Variants in KLRC1 observed in about 807,000 individuals in gnomAD.
The protein encoded by KLRC1 is NKG2-A/NKG2-B type II integral membrane protein.
A neutral mutation model predicts 25.9 loss-of-function variants in KLRC1; 22 were observed. That is an observed-to-expected ratio of 0.85 (90% CI 0.61 to 1.21). KLRC1 has a LOEUF of 1.21. Among genes scored for constraint, KLRC1 ranks in the 50% most tolerant of loss-of-function variants. KLRC1 has a pLI of 0.00. For missense variants in KLRC1, 240 were observed against 272.2 expected (o/e 0.88, Z 0.83); for synonymous variants, 77 against 93.1 (o/e 0.83, Z 0.99).
intron 5 of KLRC1, 133 bp from the exon 6 acceptor site, chr12:10,447,765 AC>A: frequency 1.4e-6 from 1 of 719,202 alleles, no homozygotes; most frequent in Non-Finnish European, 2.3e-6. Context: ...ATATAAATGA[AC>A]CCGTCAATGT....
intron 6 of KLRC1, chr12:10,447,317 T>G (rs1864008731): frequency 1.8e-5 from 1 of 54,846 alleles, no homozygotes; most frequent in Non-Finnish European, 3.1e-5. Flanking sequence ...AGCCAAAGAT[T>G]GGACACCTGA....
At position 10,450,558 on chromosome 12, in the gene KLRC1, T is replaced by A. The variant is rs772339624; in HGVS notation, c.209A>T (p.Lys70Met). Residue 70 changes from lysine to methionine, a missense_variant, in exon 3 of 7, where the codon AAG becomes ATG. Coordinates refer to ENST00000359151, the MANE Select transcript of KLRC1 (RefSeq NM_002259.5). Reference sequence around the variant, plus strand: ...AATTCCCAGGATCCCAACAATGAGCTTCTCTGGAGCTGATGGTAAATCTGC... The same window carrying A: ...AATTCCCAGGATCCCAACAATGAGCATCTCTGGAGCTGATGGTAAATCTGC... Reference protein sequence around the residue: ...HCKDLPSAPEKLIVGILGIIC... With the variant: ...HCKDLPSAPEMLIVGILGIIC... The A allele has an allele frequency of 6.9e-6, 11 of 1,586,122 alleles. No individual in the cohort carries two copies. Among genetic ancestry groups the A allele is most frequent in the Non-Finnish European group, 9.5e-6 (11 of 1,154,498 alleles).
chr12:10,446,445 A>G lies in KLRC1; in HGVS notation c.*106T>C. 7.0e-7 allele frequency: 1 copy of G among 1,431,964 alleles called. No individual in the cohort carries two copies. The highest frequency in any genetic ancestry group is 1.5e-5 in the South Asian group (1 of 65,424). The allele number at this position is 1,431,964 out of a possible 1,614,324, so 88.7% of individuals were successfully genotyped here. A position where few individuals can be genotyped will look rare whatever the true frequency, so the allele number is the denominator to read the frequency against. On this transcript the variant is annotated 3_prime_UTR_variant, in exon 7 of 7. Coordinates refer to ENST00000359151, the MANE Select transcript of KLRC1 (RefSeq NM_002259.5). ...ATAATTGATTTAGAATTTTCTTATT[A>G]GAGCAAATAACATAATTCATTTTAA...
chr12:10,450,843 T>C, intron 2 of KLRC1, 127 bp downstream of exon 2: 1 of 752,948 alleles, frequency 1.3e-6, no homozygotes, highest in Non-Finnish European at 2.2e-6. Flanking sequence ...AAATAGCATA[T>C]CTCAACTTGG....
chr12:10,454,163 T>TC (rs775788958), upstream of KLRC1, among the ~76,000 whole-genome samples: 36 of 152,254 alleles, frequency 2.4e-4, no homozygotes, highest in Admixed American at 1.9e-3. Context: ...GAATAGGTGG[T>TC]CCCCCACACA....
chr12:10,447,245 G>A (rs1591612898), intron 6 of KLRC1: 2 of 256,030 alleles, frequency 7.8e-6, no homozygotes, highest in Admixed American at 4.8e-5. Context: ...GTCAGCTATC[G>A]TTAGTGTTAG....
In KLRC1 at chr12:10,451,103, C is replaced by G. The variant is rs867098498; in HGVS notation, c.54G>C (p.Lys18Asn). The G allele has an allele frequency of 1.2e-6, 2 of 1,613,986 alleles. No homozygotes were observed. The highest frequency in any genetic ancestry group is 3.3e-4 in the Middle Eastern group (2 of 6,062). Residue 18 changes from lysine (K) to asparagine (N), a missense_variant, in exon 2 of 7, where the codon AAG becomes AAC. Physicochemically the swap from Lys to Asn is moderately conservative, Grantham distance 94. Transcript: ENST00000359151. ...TGCCTTTAGGTTTTCGTTGCTGCCT[C>G]TTTGGGTTTGGGGGCAGATTCAGGT... ...YSDLNLPPNP[K>N]RQQRKPKGNK...
chr12:10,447,498 ATATT>A (rs1199228236), intron 6 of KLRC1, 30 bp downstream of exon 6: 1 of 1,436,658 alleles, frequency 7.0e-7, no homozygotes, highest in Non-Finnish European at 9.7e-7. Flanking sequence ...CTTTATATAT[ATATT>A]GTTATATAGC....
At chr12:10,450,907 C>T in intron 2 of KLRC1, 63 bp downstream of exon 2, 1 of 1,246,226 alleles carries the variant, frequency 8.0e-7, no homozygotes, top group Non-Finnish European at 1.1e-6. Flanking sequence ...TCTTTCCCCA[C>T]ATTCCTGTAC....
At chr12:10,454,560 T>C, upstream of KLRC1, 2 of 975,740 alleles carry the variant, frequency 2.0e-6, no homozygotes, top group Non-Finnish European at 2.4e-6. Flanking sequence ...TTGAGATCAG[T>C]CCTTCACCCA....
downstream of KLRC1, among the ~76,000 whole-genome samples, chr12:10,444,716 A>G (rs1747693802): frequency 6.6e-6 from 1 of 152,152 alleles, no homozygotes; most frequent in Non-Finnish European, 1.5e-5. Context: ...TGGCATAACT[A>G]GTGAATTATA....
At chr12:10,449,123 A>C (rs1864065390) in intron 5 of KLRC1, 114 bp downstream of exon 5, 1 of 1,332,118 alleles carries the variant, frequency 7.5e-7, no homozygotes, top group East Asian at 2.3e-5. Context: ...ATACTACATA[A>C]ACTTGAAAAC....
intron 6 of KLRC1, 149 bp from the exon 7 acceptor site, chr12:10,446,811 C>A: frequency 9.5e-7 from 1 of 1,057,040 alleles, no homozygotes; most frequent in Non-Finnish European, 1.4e-6. Context: ...ATTCTGAACA[C>A]TCAACAGAGT....
At chr12:10,447,451 C>T in intron 6 of KLRC1, 81 bp downstream of exon 6, 1 of 1,172,800 alleles carries the variant, frequency 8.5e-7, no homozygotes, top group Non-Finnish European at 1.2e-6. Flanking sequence ...TCTATGATTC[C>T]ACATAGATTT....
Position 10,452,001 on chromosome 12 carries a change from T to C in KLRC1, c.-31-814A>G. Among the ~76,000 whole-genome samples the C allele has an allele frequency of 1.3e-5, 2 of 151,790 alleles. 1 individual carries two copies. On this transcript the variant is annotated intron_variant, in intron 1 of 6. Coordinates refer to ENST00000359151, the MANE Select transcript of KLRC1 (RefSeq NM_002259.5). ...AGGTAATTAAATGGTCTTTTCTTAA[T>C]GGCTGAAATGTTCTAAGAAATTATT...
downstream of KLRC1, among the ~76,000 whole-genome samples, chr12:10,444,114 T>G (rs551459477): frequency 1.0e-4 from 14 of 137,890 alleles, 1 homozygote; most frequent in South Asian, 3.0e-3. Flanking sequence ...ATCTCTCTTG[T>G]AAAAACTGAT....
Position 10,451,164 on chromosome 12 carries a change from G to T in KLRC1, c.-8C>A. 1 of 1,608,984 alleles carries T rather than the reference G, an allele frequency of 6.2e-7. No individual in the cohort carries two copies. ...TACTCCTTGGTTATCCATCTCTGCA[G>T]TGTGTGATGTCAGGGACTGTACTCT... On this transcript the variant is annotated 5_prime_UTR_variant, in exon 2 of 7. It adds an upstream start codon to the 5' untranslated region. Coordinates refer to ENST00000359151, the MANE Select transcript of KLRC1 (RefSeq NM_002259.5).
chr12:10,443,580 C>G (rs759025973), downstream of KLRC1, among the ~76,000 whole-genome samples: 3 of 141,172 alleles, frequency 2.1e-5, 1 homozygote, highest in Non-Finnish European at 4.7e-5. Context: ...GATTTTAAAC[C>G]CTTTTCTCTC....
At chr12:10,454,650 T>C (rs1864181063), upstream of KLRC1, 13 of 985,120 alleles carry the variant, frequency 1.3e-5, no homozygotes, top group South Asian at 2.8e-4. Flanking sequence ...GATACTAAAA[T>C]GGCCCTGAAT....
Sources: gnomAD v4.1 joint callset for allele counts (sites outside exome capture counted in the v4.1 genomes callset) on GRCh38, gnomAD v4.1.1 for gene constraint, MANE v1.5 for transcripts, NCBI Gene and HGNC (gene_info 2026-07-23, HGNC 2026-07-21) for gene names.